Variants in FRMD3 observed in about 807,000 individuals in gnomAD.
FRMD3 encodes the protein FERM domain-containing protein 3.
Under a neutral mutation model 70.2 loss-of-function variants are expected in FRMD3, and 33 were observed. That is an observed-to-expected ratio of 0.47 (90% confidence interval 0.36 to 0.63). The LOEUF (loss-of-function observed/expected upper bound fraction) is 0.63, where lower values mean the gene tolerates loss of function less well. Among genes scored for constraint, FRMD3 ranks in the 20% least tolerant of loss-of-function variants. The pLI is 0.00. For missense variants in FRMD3, 632 were observed against 711.4 expected (o/e 0.89, Z 1.27); for synonymous variants, 279 against 255.9 (o/e 1.09, Z -0.86).
intron 12 of FRMD3, among the ~76,000 whole-genome samples, chr9:83,297,206 G>A (rs1260133256): frequency 9.9e-5 from 15 of 152,162 alleles, no homozygotes; most frequent in Non-Finnish European, 1.5e-5. Flanking sequence ...TTGTGTTTGT[G>A]CTACCAGGAG....
chr9:83,553,593 T>C, the FRMD3 span, among the ~76,000 whole-genome samples: 1 of 152,220 alleles, frequency 6.6e-6, no homozygotes, highest in Non-Finnish European at 1.5e-5. Context: ...TCTGATTGTC[T>C]TATTTCAGAG....
At chr9:83,305,591 A>G (rs1835099052) in intron 10 of FRMD3, among the ~76,000 whole-genome samples, 1 of 152,180 alleles carries the variant, frequency 6.6e-6, no homozygotes, top group East Asian at 1.9e-4. Context: ...AGGCCCATTC[A>G]TTCTACAGGT....
At chr9:83,570,965 A>T in the FRMD3 span, among the ~76,000 whole-genome samples, 154 of 152,308 alleles carry the variant, frequency 1.0e-3, 1 homozygote, top group Admixed American at 3.9e-3. Flanking sequence ...TGACTCTGCT[A>T]TGTTTTGGAT....
At chr9:83,348,720 A>C (rs1381718305) in intron 4 of FRMD3, among the ~76,000 whole-genome samples, 1 of 151,878 alleles carries the variant, frequency 6.6e-6, no homozygotes, top group Non-Finnish European at 1.5e-5. Flanking sequence ...CCTCATTTCC[A>C]CACACACACA....
intron 1 of FRMD3, among the ~76,000 whole-genome samples, chr9:83,512,006 G>A (rs1213075318): frequency 2.0e-5 from 3 of 152,176 alleles, no homozygotes; most frequent in Non-Finnish European, 2.9e-5. Flanking sequence ...GACAGACTCA[G>A]GTTCAAATCT....
chr9:83,524,430 A>G (rs913613569), intron 1 of FRMD3, among the ~76,000 whole-genome samples: 2 of 152,226 alleles, frequency 1.3e-5, no homozygotes, highest in African/African-American at 4.8e-5. Flanking sequence ...CACAGGTTAC[A>G]AAAAGAAAGT....
At chr9:83,407,088 C>A (rs1013884423) in intron 1 of FRMD3, among the ~76,000 whole-genome samples, 1 of 152,144 alleles carries the variant, frequency 6.6e-6, no homozygotes, top group Non-Finnish European at 1.5e-5. Context: ...CTCCCCACAC[C>A]CTCGCTGACC....
chr9:83,278,889 A>G (rs1461794462), intron 13 of FRMD3, among the ~76,000 whole-genome samples: 1 of 152,190 alleles, frequency 6.6e-6, no homozygotes, highest in East Asian at 1.9e-4. Flanking sequence ...GGGCCCATCC[A>G]AAGGGCTGGG....
chr9:83,551,947 T>C, the FRMD3 span, among the ~76,000 whole-genome samples: 51 of 152,114 alleles, frequency 3.4e-4, no homozygotes, highest in African/African-American at 9.6e-4. Context: ...ATCTTTTGAA[T>C]GGTTTTTCGT....
chr9:83,276,275 C>CTT (rs1833789817), intron 13 of FRMD3: 1 of 152,192 alleles, frequency 6.6e-6, no homozygotes, highest in Non-Finnish European at 1.5e-5. Context: ...AGTCTACTTC[C>CTT]TTTGTCCCCA....
chr9:83,338,651 T>A (rs1158914337), intron 5 of FRMD3, among the ~76,000 whole-genome samples: 1 of 152,164 alleles, frequency 6.6e-6, no homozygotes, highest in Non-Finnish European at 1.5e-5. Context: ...CATCATTTAA[T>A]TTATGAAATT....
At chr9:83,484,820 G>T (rs933491899) in intron 1 of FRMD3, among the ~76,000 whole-genome samples, 1 of 152,142 alleles carries the variant, frequency 6.6e-6, no homozygotes, top group Non-Finnish European at 1.5e-5. Context: ...AATATTATCC[G>T]CATCCTAGTA....
intron 1 of FRMD3, among the ~76,000 whole-genome samples, chr9:83,435,592 G>C (rs1827110817): frequency 6.6e-6 from 1 of 151,660 alleles, no homozygotes; most frequent in Non-Finnish European, 1.5e-5. Context: ...TTACTTCTTG[G>C]CATGAATTAT....
intron 1 of FRMD3, among the ~76,000 whole-genome samples, chr9:83,524,567 A>G (rs1829646375): frequency 6.6e-6 from 1 of 152,178 alleles, no homozygotes; most frequent in Non-Finnish European, 1.5e-5. Flanking sequence ...TGTCAGTGGA[A>G]AGAAATTATA....
chr9:83,577,577 CA>C, the FRMD3 span, among the ~76,000 whole-genome samples: 6 of 151,898 alleles, frequency 4.0e-5, no homozygotes. Flanking sequence ...GACCTAAATG[CA>C]AAAGTTAAAA....
At chr9:83,294,009 G>A (rs114952437) in intron 12 of FRMD3, among the ~76,000 whole-genome samples, 403 of 152,258 alleles carry the variant, frequency 2.6e-3, no homozygotes, top group African/African-American at 9.3e-3. Context: ...AAAAACAACA[G>A]GCCAAGTCTC....
chr9:83,452,658 A>C (rs1469991877), intron 1 of FRMD3, among the ~76,000 whole-genome samples: 7 of 151,102 alleles, frequency 4.6e-5, no homozygotes, highest in African/African-American at 1.7e-4. Context: ...ATTTTTTTGT[A>C]TTTTTAGTAG....
rs1318193838 is a variant in FRMD3 at position 83,511,337 on chromosome 9, G to C, written c.147+26748C>G. Among the ~76,000 whole-genome samples the C allele has an allele frequency of 2.6e-5, 4 of 152,332 alleles. No homozygotes were observed. In the East Asian group the frequency reaches 7.7e-4, roughly 29 times the overall value. On this transcript the variant is annotated intron_variant, in intron 1 of 13. Coordinates refer to ENST00000304195, the MANE Select transcript of FRMD3 (RefSeq NM_174938.6). ...GAGAGAAAGCAGTGAAGCTCAGAGA[G>C]GGCCCAGAGAAGGGGGGAGGCTGAG...
intron 1 of FRMD3, among the ~76,000 whole-genome samples, chr9:83,512,985 T>C (rs10780608): frequency 0.74 from 113,209 of 151,980 alleles, 42,760 homozygotes; most frequent in African/African-American, 0.88. Flanking sequence ...ATGAAAGAAG[T>C]GGTAAAGACA....
Sources: gnomAD v4.1 joint callset for allele counts (sites outside exome capture counted in the v4.1 genomes callset) on GRCh38, gnomAD v4.1.1 for gene constraint, MANE v1.5 for transcripts, NCBI Gene and HGNC (gene_info 2026-07-23, HGNC 2026-07-21) for gene names.